Variants in CACNA2D3 observed in about 807,000 individuals in gnomAD.
The protein encoded by CACNA2D3 is calcium voltage-gated channel auxiliary subunit alpha2delta 3.
In CACNA2D3, 60 loss-of-function variants were observed where a neutral mutation model predicts 160.6. That is an observed-to-expected ratio of 0.37 (90% CI 0.30 to 0.46). The LOEUF is 0.46. CACNA2D3 is among the 20% of genes least tolerant of loss of function. The probability of loss-of-function intolerance (pLI) is 1.00; values close to 1 mark genes in which losing one functional copy is unlikely to be tolerated. For missense variants in CACNA2D3, 1,205 were observed against 1,365.0 expected, an observed-to-expected ratio of 0.88 and a Z score of 1.85; for synonymous variants, 558 against 492.9, an observed-to-expected ratio of 1.13 and a Z score of -1.75.
At chr3:54,286,161 AAAG>A (rs1703019409) in intron 2 of CACNA2D3, among the ~76,000 whole-genome samples, 1 of 152,220 alleles carries the variant, frequency 6.6e-6, no homozygotes, top group Non-Finnish European at 1.5e-5. Context: ...AACCAATGGC[AAAG>A]AAGTTAAAAA....
chr3:54,271,804 T>G lies in CACNA2D3; in HGVS notation c.205-48638T>G, dbSNP rs543146802. Among the ~76,000 whole-genome samples the G allele has an allele frequency of 6.6e-5, 10 of 152,214 alleles. No individual in the cohort carries two copies. The South Asian group carries it at 2.1e-3, about 32-fold the overall frequency. On this transcript the variant is annotated intron_variant, in intron 2 of 37. Transcript: ENST00000474759. ...CCCTGCTGTCACCTGTCAGTGATGG[T>G]GTTTATGGAGACATCCTTGCTCCCA...
At chr3:54,772,781 T>G (rs1018195506) in intron 13 of CACNA2D3, among the ~76,000 whole-genome samples, 2 of 152,202 alleles carry the variant, frequency 1.3e-5, no homozygotes, top group Non-Finnish European at 2.9e-5. Flanking sequence ...AAAAAATCAT[T>G]AACAATGGAA....
intron 4 of CACNA2D3, among the ~76,000 whole-genome samples, chr3:54,451,634 C>A (rs980365438): frequency 1.5e-4 from 23 of 152,102 alleles, no homozygotes; most frequent in African/African-American, 5.6e-4. Flanking sequence ...TGTGCTATCG[C>A]ATTTTTTGCT....
chr3:54,615,550 A>G (rs537338865), intron 9 of CACNA2D3, among the ~76,000 whole-genome samples: 5 of 152,358 alleles, frequency 3.3e-5, no homozygotes, highest in Non-Finnish European at 5.9e-5. Context: ...ATCTCAATCA[A>G]TCACAATGAG....
rs537799970 is a variant in CACNA2D3 at position 54,441,834 on chromosome 3, C to T, written c.381+55060C>T. Among the ~76,000 whole-genome samples, 11 of 152,154 alleles carry T rather than the reference C, an allele frequency of 7.2e-5. No homozygotes were observed. The East Asian group carries it at 1.5e-3, about 21-fold the overall frequency. ...GGCCCATGGGCTGAATGAATAATGA[C>T]GAATGATATATTTGATTGGCATGGA... is the stretch of plus-strand genomic sequence containing the variant. On this transcript the variant is annotated intron_variant, in intron 4 of 37. Transcript: ENST00000474759.
chr3:54,968,770 G>A (rs1413133842), intron 28 of CACNA2D3, among the ~76,000 whole-genome samples: 1 of 152,186 alleles, frequency 6.6e-6, no homozygotes, highest in South Asian at 2.1e-4. Context: ...TTCCAAAGGA[G>A]TTTTTCTTTT....
intron 27 of CACNA2D3, among the ~76,000 whole-genome samples, chr3:54,923,962 A>C (rs9879568): frequency 0.046 from 7,045 of 152,272 alleles, 514 homozygotes; most frequent in African/African-American, 0.16. Context: ...GTTCCAATAA[A>C]ACTTTATTTA....
At chr3:54,265,594 AGT>A (rs1437355677) in intron 2 of CACNA2D3, among the ~76,000 whole-genome samples, 5 of 148,498 alleles carry the variant, frequency 3.4e-5, no homozygotes, top group African/African-American at 1.3e-4. Context: ...ATATATATAT[AGT>A]GTGTATATAT....
At chr3:54,497,243 A>C (rs539764648) in intron 4 of CACNA2D3, among the ~76,000 whole-genome samples, 4 of 151,024 alleles carry the variant, frequency 2.6e-5, no homozygotes, top group African/African-American at 9.7e-5. Flanking sequence ...TGAGCAAGCT[A>C]TCTCTCTCCA....
intron 2 of CACNA2D3, among the ~76,000 whole-genome samples, chr3:54,221,082 C>G (rs138311651): frequency 1.3e-5 from 2 of 152,166 alleles, no homozygotes; most frequent in African/African-American, 4.8e-5. Flanking sequence ...ACAGGCAAAG[C>G]GCTTTGAGTG....
intron 5 of CACNA2D3, among the ~76,000 whole-genome samples, chr3:54,507,004 TAC>T (rs1028620152): frequency 9.9e-5 from 15 of 152,172 alleles, no homozygotes; most frequent in Non-Finnish European, 1.5e-4. Context: ...TATATATACA[TAC>T]ACACACATAT....
chr3:54,723,480 G>T (rs965430494), intron 11 of CACNA2D3, among the ~76,000 whole-genome samples: 1 of 152,200 alleles, frequency 6.6e-6, no homozygotes, highest in Non-Finnish European at 1.5e-5. Context: ...CTGCCCAAAT[G>T]GCTACCCAGT....
At chr3:54,779,751 A>G (rs988266659) in intron 13 of CACNA2D3, among the ~76,000 whole-genome samples, 1 of 152,180 alleles carries the variant, frequency 6.6e-6, no homozygotes, top group Non-Finnish European at 1.5e-5. Flanking sequence ...TCTTTGTCTC[A>G]GCTAAAATGT....
At chr3:54,994,420 T>C (rs946945090) in intron 31 of CACNA2D3, among the ~76,000 whole-genome samples, 2 of 152,204 alleles carry the variant, frequency 1.3e-5, no homozygotes, top group East Asian at 1.9e-4. Context: ...CTCAGAATTA[T>C]GCTTTGTCAG....
chr3:54,390,348 T>C (rs745681652), intron 4 of CACNA2D3, among the ~76,000 whole-genome samples: 1 of 152,186 alleles, frequency 6.6e-6, no homozygotes, highest in Non-Finnish European at 1.5e-5. Flanking sequence ...GGTGCTGTGA[T>C]TGTGAATGCA....
At chr3:54,933,558 T>C (rs1252324623) in intron 27 of CACNA2D3, among the ~76,000 whole-genome samples, 4 of 152,220 alleles carry the variant, frequency 2.6e-5, no homozygotes, top group African/African-American at 9.7e-5. Flanking sequence ...TCTAGCAGTG[T>C]GTCTTGGAAG....
rs1394010329 is a variant in CACNA2D3 at position 54,943,026 on chromosome 3, AAAT to A, written c.2450-25415_2450-25413del. Among the ~76,000 whole-genome samples the A allele has an allele frequency of 9.9e-5, 15 of 152,096 alleles. No individual in the cohort carries two copies. In the East Asian group the frequency reaches 2.3e-3, roughly 24 times the overall value. On this transcript the variant is annotated intron_variant, in intron 27 of 37. Transcript: ENST00000474759. ...GCGACAGAGCAACACTCCATCTCAA[AAAT>A]AATAATAAAATAAAAACTCAAAATT...
At chr3:54,373,630 A>G (rs529744928) in intron 3 of CACNA2D3, among the ~76,000 whole-genome samples, 4 of 152,280 alleles carry the variant, frequency 2.6e-5, no homozygotes, top group Admixed American at 6.5e-5. Context: ...TTCCAGTGCC[A>G]TGGTGTCTTT....
intron 4 of CACNA2D3, among the ~76,000 whole-genome samples, chr3:54,453,936 G>T (rs1424827527): frequency 6.6e-6 from 1 of 152,160 alleles, no homozygotes; most frequent in African/African-American, 2.4e-5. Flanking sequence ...GGTGCAATCA[G>T]TGACACCCAA....
Sources: gnomAD v4.1 joint callset for allele counts (sites outside exome capture counted in the v4.1 genomes callset) on GRCh38, gnomAD v4.1.1 for gene constraint, MANE v1.5 for transcripts, NCBI Gene and HGNC (gene_info 2026-07-23, HGNC 2026-07-21) for gene names.